The following ZNF248 variants were observed in gnomAD, a reference collection of about 807,000 sequenced individuals.
ZNF248 encodes the protein KRAB protein domain.
In ZNF248, 20 loss-of-function variants were observed where a neutral mutation model predicts 44.3. The observed-to-expected ratio is 0.45, with a 90% CI of 0.32 to 0.66. ZNF248 has a LOEUF of 0.66. Among genes scored for constraint, ZNF248 ranks in the 30% least tolerant of loss-of-function variants. The pLI, the probability that ZNF248 is intolerant of heterozygous loss-of-function variation, is 0.04. For synonymous variants in ZNF248, 224 were observed against 229.0 expected, an observed-to-expected ratio of 0.98 and a Z score of 0.20; for missense variants, 654 against 677.0, an observed-to-expected ratio of 0.97 and a Z score of 0.38.
chr10:37,798,072 C>T (rs1047241310), intron 6 of ZNF248, among the ~76,000 whole-genome samples: 1 of 152,042 alleles, frequency 6.6e-6, no homozygotes, highest in Non-Finnish European at 1.5e-5. Context: ...CAAATGTCTA[C>T]AAACTGATAA....
At position 37,830,244 on chromosome 10, in the gene ZNF248, A is replaced by C; in HGVS notation, c.*1371T>G. The C allele has an allele frequency of 4.1e-6, 4 of 985,390 alleles. No homozygotes were observed. The highest frequency in any genetic ancestry group is 4.8e-6 in the Non-Finnish European group (4 of 829,924). The allele number at this position is 985,390 out of a possible 1,614,324, so 61.0% of individuals were successfully genotyped here. A position where few individuals can be genotyped will look rare whatever the true frequency, so the allele number is the denominator to read the frequency against. ...AACCATTCTTATTAACAACATTTAC[A>C]TTACAGAATGACCCAGAGGTAGCTG... On this transcript the variant is annotated 3_prime_UTR_variant, in exon 6 of 6. Transcript: ENST00000395867.
At chr10:37,765,205 C>A in the ZNF248 span, among the ~76,000 whole-genome samples, 4 of 152,106 alleles carry the variant, frequency 2.6e-5, no homozygotes, top group Non-Finnish European at 5.9e-5. Flanking sequence ...GATCTGCCCA[C>A]CTCGGCCTCC....
At chr10:37,828,716 T>C (rs2054822448), downstream of ZNF248, 8 of 985,168 alleles carry the variant, frequency 8.1e-6, no homozygotes, top group South Asian at 3.8e-4. Flanking sequence ...AAGTACATAA[T>C]AAAAATGTAT....
downstream of ZNF248, among the ~76,000 whole-genome samples, chr10:37,774,161 T>G (rs1158881616): frequency 6.6e-6 from 1 of 152,014 alleles, no homozygotes; most frequent in Non-Finnish European, 1.5e-5. Context: ...AAATGGGGAG[T>G]AGTCTACTCT....
the ZNF248 span, among the ~76,000 whole-genome samples, chr10:37,768,639 T>C: frequency 6.6e-6 from 1 of 152,264 alleles, no homozygotes; most frequent in East Asian, 1.9e-4. Context: ...GAGGGAAATT[T>C]ATAGCACTAA....
At chr10:37,806,116 A>G (rs2050517324) in intron 6 of ZNF248, among the ~76,000 whole-genome samples, 1 of 152,218 alleles carries the variant, frequency 6.6e-6, no homozygotes, top group Non-Finnish European at 1.5e-5. Context: ...CCATCAGGGG[A>G]CACATGGGTT....
chr10:37,804,558 C>T (rs757600233), intron 6 of ZNF248, among the ~76,000 whole-genome samples: 5 of 152,134 alleles, frequency 3.3e-5, no homozygotes, highest in Admixed American at 6.5e-5. Context: ...CTCAGCCTCC[C>T]GAATAGTTAG....
At position 37,855,252 on chromosome 10, in the gene ZNF248, C is replaced by T. The variant is rs146064334; in HGVS notation, c.15+1044G>A. ...TGTCTCAGCATAATTATTTATAGAACCTCTTTCACTCTCAGTGAAAATGTC... is the reference window on the plus strand; with the variant it reads ...TGTCTCAGCATAATTATTTATAGAATCTCTTTCACTCTCAGTGAAAATGTC... On this transcript the variant is annotated intron_variant, in intron 3 of 5. Transcript: ENST00000395867. 7.1e-3 allele frequency among the ~76,000 whole-genome samples: 1,085 copies of T among 152,154 alleles called. 12 individuals are homozygous for T. Among genetic ancestry groups the T allele is most frequent in the African/African-American group, 0.025 (1,042 of 41,514 alleles).
At chr10:37,781,475 A>C (rs1266879536) in intron 6 of ZNF248, among the ~76,000 whole-genome samples, 1 of 152,142 alleles carries the variant, frequency 6.6e-6, no homozygotes, top group Non-Finnish European at 1.5e-5. Context: ...AACTCTGCCC[A>C]TTGGTTGGAG....
chr10:37,857,022 G>A (rs551105444), intron 1 of ZNF248, 163 bp downstream of exon 1: 2 of 152,476 alleles, frequency 1.3e-5, no homozygotes, highest in East Asian at 1.9e-4. Flanking sequence ...GCCAAGAGAG[G>A]AGGAAGCTCA....
the ZNF248 span, among the ~76,000 whole-genome samples, chr10:37,768,942 C>T: frequency 1.3e-5 from 2 of 152,110 alleles, no homozygotes; most frequent in Admixed American, 6.6e-5. Context: ...AAGGGGATAT[C>T]ACCACTGATC....
downstream of ZNF248, among the ~76,000 whole-genome samples, chr10:37,775,884 T>C (rs1335818716): frequency 6.6e-6 from 1 of 152,212 alleles, no homozygotes; most frequent in African/African-American, 2.4e-5. Context: ...CAACAGAACC[T>C]GGCAGGTGAC....
intron 6 of ZNF248, chr10:37,819,260 A>T: frequency 1.1e-6 from 1 of 883,834 alleles, no homozygotes; most frequent in Non-Finnish European, 1.9e-6. Flanking sequence ...TTTCAGATAG[A>T]AGTTTAGATC....
Position 37,832,316 on chromosome 10 carries a change from T to C in ZNF248, c.1039A>G (p.Met347Val), listed in dbSNP as rs1300993389. ...TTGTAATCATAAGACTTTCCCCCCATGTGTACTATTTGATGTTTTAAGAGA... is the reference window on the plus strand; with the variant it reads ...TTGTAATCATAAGACTTTCCCCCCACGTGTACTATTTGATGTTTTAAGAGA... Reference protein sequence around the residue: ...SALLKHQIVHMGGKSYDYNEN... With the variant: ...SALLKHQIVHVGGKSYDYNEN... The change falls in exon 6 of 6, where the codon ATG becomes GTG. Residue 347 changes from methionine to valine, a missense_variant. By Grantham distance (21) the Met-to-Val change is conservative (BLOSUM62 1). Transcript: ENST00000395867. 2 of 1,614,038 alleles carry C rather than the reference T, an allele frequency of 1.2e-6. No homozygotes were observed. The highest frequency in any genetic ancestry group is 1.7e-6 in the Non-Finnish European group (2 of 1,179,930).
the ZNF248 span, among the ~76,000 whole-genome samples, chr10:37,763,217 T>A: frequency 6.6e-6 from 1 of 152,214 alleles, no homozygotes; most frequent in African/African-American, 2.4e-5. Flanking sequence ...CAGCTCTCCA[T>A]ATTTATTAGG....
downstream of ZNF248, among the ~76,000 whole-genome samples, chr10:37,774,064 A>G (rs1292248286): frequency 2.0e-5 from 3 of 152,046 alleles, no homozygotes; most frequent in African/African-American, 7.2e-5. Context: ...AGTGATTGAC[A>G]CAGGGCTTAG....
At chr10:37,814,240 T>C (rs1354812359) in intron 6 of ZNF248, among the ~76,000 whole-genome samples, 1 of 152,042 alleles carries the variant, frequency 6.6e-6, no homozygotes, top group African/African-American at 2.4e-5. Context: ...ATTAAATTTA[T>C]ACTAGCTTAA....
downstream of ZNF248, among the ~76,000 whole-genome samples, chr10:37,828,522 C>T (rs1432322795): frequency 6.6e-6 from 1 of 152,098 alleles, no homozygotes; most frequent in East Asian, 1.9e-4. Context: ...TTGTCACTGG[C>T]CTATTTTACA....
chr10:37,827,429 A>C (rs2054551891), downstream of ZNF248, among the ~76,000 whole-genome samples: 1 of 152,216 alleles, frequency 6.6e-6, no homozygotes, highest in Non-Finnish European at 1.5e-5. Context: ...AACATGGGAT[A>C]GCTTTATATT....
Sources: allele counts gnomAD v4.1 joint callset (sites outside exome capture counted in the v4.1 genomes callset), GRCh38; gene constraint gnomAD v4.1.1; transcripts MANE v1.5; gene names NCBI Gene and HGNC (gene_info 2026-07-23, HGNC 2026-07-21).